LHFPL3: variants seen among roughly 807,000 people sequenced by gnomAD.
The protein encoded by LHFPL3 is LHFPL tetraspan subfamily member 3 protein.
A neutral mutation model predicts 19.3 loss-of-function variants in LHFPL3; 5 were observed. The ratio of observed to expected loss-of-function variants is 0.26; its 90% CI spans 0.14 to 0.54. LHFPL3 has a LOEUF of 0.54. Ranked by LOEUF, LHFPL3 falls within the 20% of genes least tolerant of loss-of-function variation. The pLI, the probability that LHFPL3 is intolerant of heterozygous loss-of-function variation, is 0.94. For missense variants in LHFPL3, 249 were observed against 307.4 expected, an observed-to-expected ratio of 0.81 and a Z score of 1.42; for synonymous variants, 133 against 126.2, an observed-to-expected ratio of 1.05 and a Z score of -0.36.
chr7:104,359,058 C>T (rs1790339236), intron 1 of LHFPL3, among the ~76,000 whole-genome samples: 1 of 152,198 alleles, frequency 6.6e-6, no homozygotes. Context: ...AGACCTTCCC[C>T]TGGATGAGCC....
intron 1 of LHFPL3, among the ~76,000 whole-genome samples, chr7:104,656,993 G>A (rs1792132959): frequency 6.6e-6 from 1 of 152,170 alleles, no homozygotes; most frequent in Non-Finnish European, 1.5e-5. Context: ...AGAAGGTCAT[G>A]GCCTCTCATT....
intron 1 of LHFPL3, among the ~76,000 whole-genome samples, chr7:104,677,512 T>C (rs1358237462): frequency 6.6e-6 from 1 of 152,242 alleles, no homozygotes; most frequent in East Asian, 1.9e-4. Flanking sequence ...AGATGAATTA[T>C]TTTAATTCTA....
rs117252863 is a variant in LHFPL3, at chr7:104,351,712, A to G, written c.445+22488A>G. 5.2e-3 allele frequency among the ~76,000 whole-genome samples: 789 copies of G among 152,284 alleles called. 5 individuals are homozygous for G. Among genetic ancestry groups the G allele is most frequent in the Middle Eastern group, 0.017 (5 of 294 alleles). ...TCCTAAGTGTTTGAGCGAATTTACA[A>G]TTTTCAAGGTGGCAACACATTGACA... On this transcript the variant is annotated intron_variant, in intron 1 of 2. Transcript: ENST00000424859.
At chr7:104,816,256 G>A (rs1303242553) in intron 2 of LHFPL3, among the ~76,000 whole-genome samples, 1 of 152,128 alleles carries the variant, frequency 6.6e-6, no homozygotes, top group Non-Finnish European at 1.5e-5. Context: ...AATCAATCTA[G>A]GTAAAAATCA....
chr7:104,632,404 G>C (rs1791660111), intron 1 of LHFPL3, among the ~76,000 whole-genome samples: 1 of 152,008 alleles, frequency 6.6e-6, no homozygotes, highest in Admixed American at 6.6e-5. Context: ...AGAATTTGAT[G>C]GTTCATTTTA....
intron 2 of LHFPL3, among the ~76,000 whole-genome samples, chr7:104,841,356 C>T: frequency 6.6e-6 from 1 of 152,104 alleles, no homozygotes; most frequent in Non-Finnish European, 1.5e-5. Flanking sequence ...GCATAAAGCC[C>T]ATCTTCACCT....
At chr7:104,892,880 T>C (rs1792279127) in intron 2 of LHFPL3, among the ~76,000 whole-genome samples, 1 of 152,150 alleles carries the variant, frequency 6.6e-6, no homozygotes, top group Non-Finnish European at 1.5e-5. Context: ...TTTATTATGG[T>C]ATGTATGTTA....
At chr7:104,473,269 T>C (rs6465992) in intron 1 of LHFPL3, among the ~76,000 whole-genome samples, 85,280 of 152,034 alleles carry the variant, frequency 0.56, 24,375 homozygotes, top group African/African-American at 0.62. Context: ...ATGGTTGGCT[T>C]TTCTAAAGTT....
At chr7:104,351,035 C>A (rs1790163822) in intron 1 of LHFPL3, among the ~76,000 whole-genome samples, 1 of 131,760 alleles carries the variant, frequency 7.6e-6, no homozygotes. Flanking sequence ...GCAAGACTCC[C>A]TCTAAAAAAA....
At chr7:104,593,532 A>G (rs1167457803) in intron 1 of LHFPL3, among the ~76,000 whole-genome samples, 2 of 151,896 alleles carry the variant, frequency 1.3e-5, no homozygotes, top group Non-Finnish European at 2.9e-5. Flanking sequence ...TGGGGTGGAG[A>G]GTTCTGTAGA....
chr7:104,823,375 G>A (rs1270134778), intron 2 of LHFPL3, among the ~76,000 whole-genome samples: 3 of 152,084 alleles, frequency 2.0e-5, no homozygotes, highest in African/African-American at 4.8e-5. Context: ...AAAATGAGAG[G>A]GCTGGACCAG....
At chr7:104,340,383 T>G (rs930284530) in intron 1 of LHFPL3, among the ~76,000 whole-genome samples, 3 of 152,176 alleles carry the variant, frequency 2.0e-5, no homozygotes, top group African/African-American at 7.2e-5. Flanking sequence ...TTTCTCAATC[T>G]AATGAAACTT....
chr7:104,833,007 T>TAATAG (rs377528993), intron 2 of LHFPL3, among the ~76,000 whole-genome samples: 2 of 81,744 alleles, frequency 2.4e-5, no homozygotes, highest in African/African-American at 9.2e-5. Flanking sequence ...ATATTATATA[T>TAATAG]ATATATTATA....
chr7:104,496,146 T>C (rs551199760), intron 1 of LHFPL3, among the ~76,000 whole-genome samples: 9 of 152,048 alleles, frequency 5.9e-5, no homozygotes, highest in East Asian at 1.9e-4. Flanking sequence ...TAGTCCCCAG[T>C]GTGTGATGTT....
intron 2 of LHFPL3, among the ~76,000 whole-genome samples, chr7:104,802,491 C>CA (rs920866759): frequency 0.27 from 17,880 of 65,074 alleles, 2,574 homozygotes; most frequent in South Asian, 0.35. Context: ...AACCCTATCT[C>CA]AAAAAAAAAA....
In LHFPL3 at chr7:104,408,864, C is replaced by CTTT. The variant is rs561975535; in HGVS notation, c.445+79656_445+79658dup. 6.2e-3 allele frequency among the ~76,000 whole-genome samples: 656 copies of CTTT among 105,420 alleles called. 28 individuals are homozygous for CTTT. Among genetic ancestry groups the CTTT allele is most frequent in the Middle Eastern group, 0.011 (2 of 182 alleles). The allele number at this position is 105,420 out of a possible 152,430, so 69.2% of individuals were successfully genotyped here. ...AGGCACTAGTGTTGTAATTTTCTTT[C>CTTT]TTTTTTTTTTTTTTTTTTGAGACGG... On this transcript the variant is annotated intron_variant, in intron 1 of 2. Transcript: ENST00000424859.
chr7:104,558,710 T>A (rs1789917936), intron 1 of LHFPL3, among the ~76,000 whole-genome samples: 1 of 150,690 alleles, frequency 6.6e-6, no homozygotes, highest in Non-Finnish European at 1.5e-5. Context: ...AATTTTGGCT[T>A]TTGTTGCCAT....
At chr7:104,870,133 C>A (rs979012578) in intron 2 of LHFPL3, among the ~76,000 whole-genome samples, 2 of 152,076 alleles carry the variant, frequency 1.3e-5, no homozygotes, top group Non-Finnish European at 2.9e-5. Flanking sequence ...GGAGATATAC[C>A]TAATGTTAAA....
At chr7:104,779,302 CATT>C (rs1449122038) in intron 2 of LHFPL3, among the ~76,000 whole-genome samples, 1 of 152,180 alleles carries the variant, frequency 6.6e-6, no homozygotes, top group Non-Finnish European at 1.5e-5. Flanking sequence ...TCACTCTCAT[CATT>C]GAGTATTCAT....
Sources: gnomAD v4.1 joint callset for allele counts (sites outside exome capture counted in the v4.1 genomes callset) on GRCh38, gnomAD v4.1.1 for gene constraint, MANE v1.5 for transcripts, NCBI Gene and HGNC (gene_info 2026-07-23, HGNC 2026-07-21) for gene names.